ASAP2: variants seen among roughly 807,000 people sequenced by gnomAD.
ASAP2 encodes the protein arf-GAP with SH3 domain, ANK repeat and PH domain-containing protein 2.
In ASAP2, 45 loss-of-function variants were observed where a neutral mutation model predicts 131.4. The observed-to-expected ratio is 0.34, with a 90% CI of 0.27 to 0.44. ASAP2 has a LOEUF of 0.44. Ranked by LOEUF, ASAP2 falls within the 20% of genes least tolerant of loss-of-function variation. ASAP2 has a pLI of 1.00. For synonymous variants in ASAP2, 510 were observed against 503.0 expected, an observed-to-expected ratio of 1.01 and a Z score of -0.19; for missense variants, 1,011 against 1,297.0, an observed-to-expected ratio of 0.78 and a Z score of 3.39.
intron 24 of ASAP2, among the ~76,000 whole-genome samples, chr2:9,397,997 A>T (rs1572638986): frequency 6.6e-6 from 1 of 151,152 alleles, no homozygotes; most frequent in Non-Finnish European, 1.5e-5. Context: ...TGACCTCATG[A>T]TCCGCCCGCC....
intron 6 of ASAP2, among the ~76,000 whole-genome samples, chr2:9,326,944 C>A (rs934678653): frequency 2.6e-5 from 4 of 152,114 alleles, no homozygotes; most frequent in African/African-American, 9.7e-5. Flanking sequence ...TCAAAATGTA[C>A]ATACGTTTAA....
chr2:9,216,280 A>T (rs1439675523), intron 1 of ASAP2, among the ~76,000 whole-genome samples: 4 of 142,232 alleles, frequency 2.8e-5, no homozygotes, highest in Non-Finnish European at 6.1e-5. Flanking sequence ...ATGTCAGTTC[A>T]TATTTTTTTT....
chr2:9,322,039 C>T (rs1204701422), intron 5 of ASAP2, among the ~76,000 whole-genome samples: 1 of 152,180 alleles, frequency 6.6e-6, no homozygotes, highest in African/African-American at 2.4e-5. Context: ...TGGACGGTCT[C>T]TTGCCTGTGA....
chr2:9,270,815 CGGAG>C (rs1666317574), intron 1 of ASAP2, among the ~76,000 whole-genome samples: 1 of 59,804 alleles, frequency 1.7e-5, no homozygotes, highest in Non-Finnish European at 3.4e-5. Flanking sequence ...TTTTTTGAGA[CGGAG>C]TCTCGCTCCG....
intron 3 of ASAP2, among the ~76,000 whole-genome samples, chr2:9,316,335 T>C (rs1385094716): frequency 6.6e-6 from 1 of 152,150 alleles, no homozygotes; most frequent in African/African-American, 2.4e-5. Flanking sequence ...GTACACTGAA[T>C]GGTGTATAGA....
chr2:9,387,598 A>T (rs559927288), intron 21 of ASAP2, among the ~76,000 whole-genome samples: 2 of 152,318 alleles, frequency 1.3e-5, no homozygotes, highest in South Asian at 4.1e-4. Context: ...GTAGCATAAG[A>T]AGGCATGTTT....
At chr2:9,220,080 A>G (rs1390038213) in intron 1 of ASAP2, among the ~76,000 whole-genome samples, 3 of 152,186 alleles carry the variant, frequency 2.0e-5, no homozygotes, top group Non-Finnish European at 2.9e-5. Context: ...TCAAATGTGT[A>G]TGATACATTT....
At chr2:9,279,228 G>A in intron 1 of ASAP2, 89 bp from the exon 2 acceptor site, 1 of 1,265,364 alleles carries the variant, frequency 7.9e-7, no homozygotes, top group Non-Finnish European at 1.2e-6. Flanking sequence ...ACCTGGCAGA[G>A]GCAATCAGAG....
At chr2:9,365,639 A>G (rs1268080547) in intron 15 of ASAP2, among the ~76,000 whole-genome samples, 1 of 152,216 alleles carries the variant, frequency 6.6e-6, no homozygotes, top group Non-Finnish European at 1.5e-5. Flanking sequence ...AGATGCCCAC[A>G]CACAGACGAC....
intron 2 of ASAP2, among the ~76,000 whole-genome samples, chr2:9,286,807 A>G (rs1473542992): frequency 6.6e-6 from 1 of 152,240 alleles, no homozygotes; most frequent in African/African-American, 2.4e-5. Context: ...CTTCAGCAAT[A>G]AAATTCAGGA....
chr2:9,306,267 AG>A (rs1405576119), intron 3 of ASAP2, among the ~76,000 whole-genome samples: 2 of 145,584 alleles, frequency 1.4e-5, no homozygotes, highest in Non-Finnish European at 3.0e-5. Context: ...GTGGGGCTGT[AG>A]GGGATAGAGA....
At chr2:9,284,055 T>C (rs1667306156) in intron 2 of ASAP2, among the ~76,000 whole-genome samples, 1 of 152,210 alleles carries the variant, frequency 6.6e-6, no homozygotes, top group South Asian at 2.1e-4. Flanking sequence ...TGTGATGACA[T>C]TGGCCTCATC....
intron 6 of ASAP2, among the ~76,000 whole-genome samples, chr2:9,324,022 A>C (rs1210391571): frequency 6.6e-6 from 1 of 152,216 alleles, no homozygotes; most frequent in Non-Finnish European, 1.5e-5. Context: ...GCTCCCTTGC[A>C]CTGGATGGTA....
chr2:9,224,050 T>C (rs1163830768), intron 1 of ASAP2, among the ~76,000 whole-genome samples: 1 of 152,234 alleles, frequency 6.6e-6, no homozygotes, highest in Admixed American at 6.5e-5. Context: ...AAAATTAATT[T>C]CTGTAGAACA....
At chr2:9,229,689 A>T (rs1663019014) in intron 1 of ASAP2, among the ~76,000 whole-genome samples, 1 of 152,148 alleles carries the variant, frequency 6.6e-6, no homozygotes, top group Non-Finnish European at 1.5e-5. Flanking sequence ...AGAGCACTGG[A>T]GGGAATTGGT....
At position 9,333,576 on chromosome 2, in the gene ASAP2, G is replaced by A. The variant is rs1670981882; in HGVS notation, c.687-1162G>A. Among the ~76,000 whole-genome samples the A allele has an allele frequency of 2.0e-5, 3 of 152,180 alleles. No individual in the cohort carries two copies. In the South Asian group the frequency reaches 6.2e-4, roughly 32 times the overall value. ...AGGCTTTAGAGAGAAGAAACAGAAT[G>A]CAGAGGGCCAGGGGCAGGAGAACTT... On this transcript the variant is annotated intron_variant, in intron 7 of 27. Transcript: ENST00000281419.
intron 2 of ASAP2, among the ~76,000 whole-genome samples, chr2:9,286,138 T>C (rs1344096794): frequency 2.0e-5 from 3 of 152,232 alleles, no homozygotes; most frequent in Non-Finnish European, 4.4e-5. Context: ...GACTCACGCC[T>C]GTAATCCTAG....
At chr2:9,270,598 AT>A (rs1365822690) in intron 1 of ASAP2, among the ~76,000 whole-genome samples, 2 of 151,602 alleles carry the variant, frequency 1.3e-5, no homozygotes, top group Non-Finnish European at 2.9e-5. Flanking sequence ...TCTCTTAGTT[AT>A]TTTTAAATGT....
intron 22 of ASAP2, 99 bp from the exon 23 acceptor site, chr2:9,390,963 G>C: frequency 1.3e-6 from 2 of 1,576,790 alleles, no homozygotes; most frequent in African/African-American, 1.3e-5. Flanking sequence ...CGTTTCATAA[G>C]GGGGAGGATC....
Sources: allele counts gnomAD v4.1 joint callset (sites outside exome capture counted in the v4.1 genomes callset), GRCh38; gene constraint gnomAD v4.1.1; transcripts MANE v1.5; gene names NCBI Gene and HGNC (gene_info 2026-07-23, HGNC 2026-07-21).